Variants in ZNF536 observed in about 807,000 individuals in gnomAD.
ZNF536 encodes the protein zinc finger protein 536.
In ZNF536, 13 loss-of-function variants were observed where a neutral mutation model predicts 84.5. The ratio of observed to expected loss-of-function variants is 0.15; its 90% CI spans 0.10 to 0.24. The LOEUF (loss-of-function observed/expected upper bound fraction) is 0.24, where lower values mean the gene tolerates loss of function less well. Ranked by LOEUF, ZNF536 falls within the 10% of genes least tolerant of loss-of-function variation. The probability of loss-of-function intolerance (pLI) is 1.00; values close to 1 mark genes in which losing one functional copy is unlikely to be tolerated. For synonymous variants in ZNF536, 811 were observed against 742.5 expected (o/e 1.09, Z -1.50); for missense variants, 1,536 against 1,747.5 (o/e 0.88, Z 2.16).
chr19:30,523,159 C>A (rs187451320), intron 2 of ZNF536, among the ~76,000 whole-genome samples: 44 of 152,210 alleles, frequency 2.9e-4, no homozygotes, highest in African/African-American at 1.1e-3. Flanking sequence ...GGGGGCACTG[C>A]CAGGGACACG....
At chr19:30,403,211 C>T (rs1011725753) in intron 1 of ZNF536, among the ~76,000 whole-genome samples, 4 of 152,146 alleles carry the variant, frequency 2.6e-5, no homozygotes, top group African/African-American at 9.7e-5. Context: ...TTTCAGACGT[C>T]GGAGTGACTG....
At chr19:30,293,480 T>A (rs2045905435) in intron 2 of ZNF536, among the ~76,000 whole-genome samples, 1 of 152,106 alleles carries the variant, frequency 6.6e-6, no homozygotes, top group African/African-American at 2.4e-5. Flanking sequence ...GCAAAGAGAT[T>A]GTGGTTCTCC....
intron 1 of ZNF536, among the ~76,000 whole-genome samples, chr19:30,256,008 G>A (rs532224714): frequency 2.0e-5 from 3 of 152,180 alleles, no homozygotes; most frequent in Admixed American, 1.3e-4. Context: ...GCAGACCACT[G>A]GGGGCAGCTG....
rs181169229 is a variant in ZNF536, at chr19:30,654,133, G to A, written c.170-56624G>A. On this transcript the variant is annotated intron_variant, in intron 1 of 1. Transcript: ENST00000592773. ...GCCGACGCTCCTTTGAAACAAGCGGGCTGCATAAGAAGTCTCCCTGGCTGC... is the reference window on the plus strand; with the variant it reads ...GCCGACGCTCCTTTGAAACAAGCGGACTGCATAAGAAGTCTCCCTGGCTGC... Among the ~76,000 whole-genome samples, 12 of 152,258 alleles carry A rather than the reference G, an allele frequency of 7.9e-5. No individual in the cohort carries two copies. The East Asian group carries it at 2.3e-3, about 29-fold the overall frequency.
chr19:30,411,875 T>A (rs1001961742), intron 1 of ZNF536, among the ~76,000 whole-genome samples: 12 of 152,216 alleles, frequency 7.9e-5, no homozygotes, highest in East Asian at 1.9e-4. Context: ...TTTAAAAAAA[T>A]TTATGTATTT....
chr19:30,627,814 G>A (rs2048742781), intron 1 of ZNF536, among the ~76,000 whole-genome samples: 1 of 152,188 alleles, frequency 6.6e-6, no homozygotes, highest in African/African-American at 2.4e-5. Flanking sequence ...CGGAGGACCA[G>A]TGAGGAGAGG....
intron 1 of ZNF536, among the ~76,000 whole-genome samples, chr19:30,374,094 C>T (rs1301581691): frequency 6.6e-6 from 1 of 152,128 alleles, no homozygotes; most frequent in African/African-American, 2.4e-5. Flanking sequence ...GGCATTATTT[C>T]GCCTGAGTCC....
chr19:30,573,616 C>T (rs546638104), intron 1 of ZNF536, among the ~76,000 whole-genome samples: 1 of 152,324 alleles, frequency 6.6e-6, no homozygotes, highest in Non-Finnish European at 1.5e-5. Context: ...TTTGTCCTCA[C>T]GGACCAAGAC....
chr19:30,284,640 A>T (rs897487855), intron 2 of ZNF536, among the ~76,000 whole-genome samples: 6 of 152,230 alleles, frequency 3.9e-5, no homozygotes, highest in African/African-American at 1.4e-4. Flanking sequence ...TATTTCCGGC[A>T]TGGGAGCTGA....
chr19:30,479,803 T>C (rs2053998499), intron 2 of ZNF536, among the ~76,000 whole-genome samples: 1 of 152,260 alleles, frequency 6.6e-6, no homozygotes, highest in South Asian at 2.1e-4. Context: ...CCTTTGGGTA[T>C]GGCTGGTTAA....
chr19:30,264,346 C>T lies in ZNF536; in HGVS notation c.-189-19726C>T, dbSNP rs576634424. ...GACAATGCTGTGGGGGAGGGGGTTTCACACCCTCCCCTGATCCCCCCAGGC... is the reference window on the plus strand; with the variant it reads ...GACAATGCTGTGGGGGAGGGGGTTTTACACCCTCCCCTGATCCCCCCAGGC... On this transcript the variant is annotated intron_variant, in intron 1 of 5. Coordinates refer to the ZNF536 transcript ENST00000585628. 3.3e-5 allele frequency among the ~76,000 whole-genome samples: 5 copies of T among 152,024 alleles called. No individual in the cohort carries two copies. In the East Asian group the frequency reaches 7.8e-4, roughly 24 times the overall value.
intron 1 of ZNF536, among the ~76,000 whole-genome samples, chr19:30,573,241 T>C (rs1341724638): frequency 6.6e-6 from 1 of 152,176 alleles, no homozygotes; most frequent in Non-Finnish European, 1.5e-5. Context: ...CTTGGGGCTG[T>C]TTTTCCCATT....
chr19:30,324,297 T>A (rs756869079), intron 2 of ZNF536, among the ~76,000 whole-genome samples: 1 of 152,240 alleles, frequency 6.6e-6, no homozygotes, highest in South Asian at 2.1e-4. Context: ...TTTTTATCCT[T>A]CCACACATCC....
At chr19:30,455,839 C>T (rs1243373275) in intron 2 of ZNF536, among the ~76,000 whole-genome samples, 2 of 152,180 alleles carry the variant, frequency 1.3e-5, no homozygotes, top group Admixed American at 6.5e-5. Flanking sequence ...TTAATTCATA[C>T]TTTTCCAGTC....
rs1178463018 is a variant in ZNF536, at chr19:30,319,233, C to A, written c.-119-33135C>A. On this transcript the variant is annotated intron_variant, in intron 2 of 5. Coordinates refer to the ZNF536 transcript ENST00000585628. ...GAAGTTGGGGACACCCGGAGGCACC[C>A]TCCGATGTTCAGATGATCGTGGCAG... 3.3e-5 allele frequency among the ~76,000 whole-genome samples: 5 copies of A among 152,222 alleles called. No individual in the cohort carries two copies. The East Asian group carries it at 9.6e-4, about 29-fold the overall frequency.
chr19:30,700,118 C>A (rs1385291781), intron 1 of ZNF536, among the ~76,000 whole-genome samples: 1 of 135,006 alleles, frequency 7.4e-6, no homozygotes, highest in Non-Finnish European at 1.7e-5. Context: ...TCCTCCCTCC[C>A]TCCCTGTCTC....
intron 1 of ZNF536, among the ~76,000 whole-genome samples, chr19:30,695,940 A>C (rs1019334843): frequency 2.6e-5 from 4 of 152,182 alleles, no homozygotes; most frequent in Non-Finnish European, 5.9e-5. Flanking sequence ...TAAGGAGGGA[A>C]GCGAGGGATA....
intron 1 of ZNF536, among the ~76,000 whole-genome samples, chr19:30,659,848 C>G (rs1288251799): frequency 6.6e-6 from 1 of 151,586 alleles, no homozygotes; most frequent in Non-Finnish European, 1.5e-5. Context: ...CAGATCCAAC[C>G]ATATCATGTG....
At chr19:30,537,889 G>C (rs1421481932) in intron 3 of ZNF536, among the ~76,000 whole-genome samples, 1 of 152,252 alleles carries the variant, frequency 6.6e-6, no homozygotes, top group East Asian at 1.9e-4. Context: ...AGCAGCATTC[G>C]CCGTATGTAA....
Sources: gnomAD v4.1 joint callset for allele counts (sites outside exome capture counted in the v4.1 genomes callset) on GRCh38, gnomAD v4.1.1 for gene constraint, MANE v1.5 for transcripts, NCBI Gene and HGNC (gene_info 2026-07-23, HGNC 2026-07-21) for gene names.